NEGR1: variants seen among roughly 807,000 people sequenced by gnomAD.
The protein encoded by NEGR1 is IgLON family member 4.
Under a neutral mutation model 40.9 loss-of-function variants are expected in NEGR1, and 10 were observed. The observed-to-expected ratio is 0.24, with a 90% confidence interval of 0.15 to 0.42. NEGR1 has a LOEUF of 0.42. Among genes scored for constraint, NEGR1 ranks in the 10% least tolerant of loss-of-function variants. The pLI is 1.00. For missense variants in NEGR1, 352 were observed against 438.9 expected, an observed-to-expected ratio of 0.80 and a Z score of 1.77; for synonymous variants, 185 against 166.8, an observed-to-expected ratio of 1.11 and a Z score of -0.84.
chr1:71,433,179 T>C (rs187657050), intron 6 of NEGR1, among the ~76,000 whole-genome samples: 1 of 152,344 alleles, frequency 6.6e-6, no homozygotes, highest in East Asian at 1.9e-4. Context: ...GATCTTGGAC[T>C]TCCCAGCCTT....
intron 1 of NEGR1, among the ~76,000 whole-genome samples, chr1:72,072,830 A>G (rs1487409942): frequency 6.6e-6 from 1 of 152,180 alleles, no homozygotes; most frequent in African/African-American, 2.4e-5. Context: ...TTATTGTTAA[A>G]TAATTGGTGG....
At chr1:71,818,250 A>T (rs540057966) in intron 2 of NEGR1, among the ~76,000 whole-genome samples, 1 of 152,108 alleles carries the variant, frequency 6.6e-6, no homozygotes, top group African/African-American at 2.4e-5. Flanking sequence ...TTCACCACAG[A>T]ACTATTCACA....
chr1:71,998,892 T>G (rs979807442), intron 1 of NEGR1, among the ~76,000 whole-genome samples: 13 of 151,888 alleles, frequency 8.6e-5, no homozygotes, highest in Non-Finnish European at 1.9e-4. Flanking sequence ...ATAGATACTG[T>G]ATATAATACA....
intron 6 of NEGR1, among the ~76,000 whole-genome samples, chr1:71,582,415 C>CAT (rs1243688011): frequency 5.3e-5 from 8 of 152,044 alleles, no homozygotes; most frequent in Non-Finnish European, 1.2e-4. Flanking sequence ...GCTTCATAAC[C>CAT]ATATATATAT....
intron 2 of NEGR1, among the ~76,000 whole-genome samples, chr1:71,850,219 G>A (rs570210064): frequency 9.2e-5 from 14 of 152,138 alleles, no homozygotes; most frequent in African/African-American, 3.1e-4. Context: ...GCAGTGGTTT[G>A]AGTTTGACTC....
chr1:71,867,752 A>G (rs1010298235), intron 2 of NEGR1, among the ~76,000 whole-genome samples: 1 of 152,160 alleles, frequency 6.6e-6, no homozygotes, highest in Admixed American at 6.5e-5. Flanking sequence ...CACCTCTACA[A>G]TATTTATTTT....
At chr1:71,479,724 C>A (rs527514125) in intron 6 of NEGR1, among the ~76,000 whole-genome samples, 51 of 152,072 alleles carry the variant, frequency 3.4e-4, no homozygotes, top group African/African-American at 1.1e-3. Context: ...GGTATTAGAT[C>A]TACTTTAAAC....
intron 1 of NEGR1, among the ~76,000 whole-genome samples, chr1:72,140,681 C>A (rs920071483): frequency 6.6e-6 from 1 of 151,816 alleles, no homozygotes; most frequent in African/African-American, 2.4e-5. Context: ...GTTTTTCAAT[C>A]GAAATAAAAT....
chr1:71,836,470 A>G (rs1013406651), intron 2 of NEGR1, among the ~76,000 whole-genome samples: 1 of 103,690 alleles, frequency 9.6e-6, no homozygotes, highest in South Asian at 3.7e-4. Flanking sequence ...AAACAACAAA[A>G]TATATATGTG....
chr1:71,882,599 AACAG>A (rs1297413536), intron 2 of NEGR1, among the ~76,000 whole-genome samples: 1 of 152,124 alleles, frequency 6.6e-6, no homozygotes. Flanking sequence ...TTAAAAATTA[AACAG>A]ACACTGTGAA....
chr1:72,045,702 T>C (rs1200514846), intron 1 of NEGR1, among the ~76,000 whole-genome samples: 1 of 151,842 alleles, frequency 6.6e-6, no homozygotes, highest in Non-Finnish European at 1.5e-5. Context: ...CTTGGGTATG[T>C]CTTTTCAGCA....
intron 2 of NEGR1, among the ~76,000 whole-genome samples, chr1:71,931,122 T>A (rs1433157701): frequency 1.3e-5 from 2 of 152,092 alleles, no homozygotes; most frequent in African/African-American, 4.8e-5. Flanking sequence ...ATACTCTAGG[T>A]GAGTTATGTA....
chr1:71,729,101 C>A (rs1654770422), intron 3 of NEGR1, among the ~76,000 whole-genome samples: 1 of 152,072 alleles, frequency 6.6e-6, no homozygotes, highest in Non-Finnish European at 1.5e-5. Flanking sequence ...CTCCTCTACT[C>A]CAAGCATACT....
At chr1:71,742,038 G>A (rs1367454988) in intron 3 of NEGR1, among the ~76,000 whole-genome samples, 2 of 152,100 alleles carry the variant, frequency 1.3e-5, no homozygotes, top group East Asian at 3.9e-4. Flanking sequence ...ATTTGGGTGA[G>A]GACAAGATCT....
intron 2 of NEGR1, among the ~76,000 whole-genome samples, chr1:71,929,348 T>C (rs751259908): frequency 3.3e-5 from 5 of 152,188 alleles, no homozygotes; most frequent in Non-Finnish European, 7.3e-5. Context: ...TATTAAGCCA[T>C]TTTTATTTCA....
intron 4 of NEGR1, among the ~76,000 whole-genome samples, chr1:71,623,508 A>C (rs1214396974): frequency 6.6e-6 from 1 of 151,920 alleles, no homozygotes; most frequent in African/African-American, 2.4e-5. Flanking sequence ...ACAAGGGGGG[A>C]AAAACATCCT....
intron 6 of NEGR1, among the ~76,000 whole-genome samples, chr1:71,543,474 G>A (rs1248714440): frequency 1.3e-5 from 2 of 151,694 alleles, no homozygotes; most frequent in Non-Finnish European, 3.0e-5. Flanking sequence ...CAAGATATGT[G>A]CTTTCCTGAC....
chr1:71,703,401 C>G (rs1322104923), intron 3 of NEGR1: 1 of 150,854 alleles, frequency 6.6e-6, no homozygotes, highest in African/African-American at 2.4e-5. Flanking sequence ...TGTCCAATAT[C>G]CAATTTTAAA....
intron 1 of NEGR1, among the ~76,000 whole-genome samples, chr1:72,212,792 G>T (rs1653659306): frequency 6.6e-6 from 1 of 151,634 alleles, no homozygotes; most frequent in African/African-American, 2.4e-5. Flanking sequence ...TAGATAAAAA[G>T]AAATATAAAA....
Sources: allele counts gnomAD v4.1 joint callset (sites outside exome capture counted in the v4.1 genomes callset), GRCh38; gene constraint gnomAD v4.1.1; transcripts MANE v1.5; gene names NCBI Gene and HGNC (gene_info 2026-07-23, HGNC 2026-07-21).